UNC79: variants seen among roughly 807,000 people sequenced by gnomAD.
UNC79 encodes protein unc-79 homolog.
UNC79 carries 37 observed loss-of-function variants against 283.1 expected under a neutral mutation model. The observed-to-expected ratio is 0.13, with a 90% CI of 0.10 to 0.17. The LOEUF (loss-of-function observed/expected upper bound fraction) is 0.17. Ranked by LOEUF, UNC79 falls within the 10% of genes least tolerant of loss-of-function variation. The probability of loss-of-function intolerance (pLI) is 1.00; values close to 1 mark genes in which losing one functional copy is unlikely to be tolerated. For missense variants in UNC79, 2,272 were observed against 3,211.1 expected (o/e 0.71, Z 7.07); for synonymous variants, 1,107 against 1,200.2 (o/e 0.92, Z 1.61).
intron 1 of UNC79, among the ~76,000 whole-genome samples, chr14:93,439,983 A>G (rs1410419426): frequency 1.3e-5 from 2 of 152,238 alleles, no homozygotes; most frequent in East Asian, 1.9e-4. Context: ...GGCCCTCTGT[A>G]TCTGGTGGTT....
chr14:93,587,023 C>A, intron 22 of UNC79, 115 bp downstream of exon 22: 1 of 1,250,488 alleles, frequency 8.0e-7, no homozygotes, highest in Non-Finnish European at 1.1e-6. Flanking sequence ...GCCAGGACAG[C>A]TCGATTGCCT....
rs57703735 is a variant in UNC79, at chr14:93,660,520, CATATATATATATATATATATATAT to C, written c.6525+1280_6525+1303del. ...TATTGACAATGTTTCAAGACAATAG[CATATATATATATATATATATATAT>C]ATATATATATATATATATATGTGTG... is the stretch of plus-strand genomic sequence containing the variant. On this transcript the variant is annotated intron_variant, in intron 39 of 48. Coordinates refer to ENST00000555664, the Ensembl canonical transcript of UNC79. 1.1e-3 allele frequency among the ~76,000 whole-genome samples: 55 copies of C among 48,730 alleles called. 2 individuals carry two copies. Among genetic ancestry groups the C allele is most frequent in the East Asian group, 2.7e-3 (3 of 1,092 alleles). 32.0% of individuals were successfully genotyped at this position (48,730 alleles called of 152,430 possible). A position where few individuals can be genotyped will look rare whatever the true frequency, so the allele number is the denominator to read the frequency against.
At chr14:93,706,752 G>C in exon 49 of UNC79, 1 of 1,614,206 alleles carries the variant, frequency 6.2e-7, no homozygotes, top group Non-Finnish European at 8.5e-7. Context: ...TCAGAACCAC[G>C]TGAACCACCA....
chr14:93,529,207 A>C, intron 9 of UNC79, 79 bp from the exon 10 acceptor site: 1 of 1,455,190 alleles, frequency 6.9e-7, no homozygotes, highest in Non-Finnish European at 9.5e-7. Flanking sequence ...TTTCAGCACT[A>C]GTGTGCAGCT....
intron 31 of UNC79, among the ~76,000 whole-genome samples, chr14:93,635,349 T>C (rs2068419150): frequency 6.6e-6 from 1 of 152,232 alleles, no homozygotes; most frequent in Admixed American, 6.5e-5. Context: ...ATGGGTCATT[T>C]GAGTTACAAG....
chr14:93,679,359 T>C (rs1334131181), intron 41 of UNC79, among the ~76,000 whole-genome samples: 1 of 152,022 alleles, frequency 6.6e-6, no homozygotes, highest in East Asian at 1.9e-4. Flanking sequence ...CTCGGGAGGC[T>C]GAGGCAGGAG....
At chr14:93,597,184 A>T (rs2065138694) in intron 23 of UNC79, among the ~76,000 whole-genome samples, 175 bp from the exon 24 acceptor site, 1 of 152,232 alleles carries the variant, frequency 6.6e-6, no homozygotes, top group South Asian at 2.1e-4. Context: ...GAAATGGAAC[A>T]CTCGAGATGG....
At chr14:93,602,783 G>A (rs1255462671) in intron 25 of UNC79, among the ~76,000 whole-genome samples, 1 of 152,108 alleles carries the variant, frequency 6.6e-6, no homozygotes, top group East Asian at 1.9e-4. Flanking sequence ...TAGGACTATG[G>A]GGGTGAGCCA....
intron 42 of UNC79, among the ~76,000 whole-genome samples, chr14:93,685,452 CTT>C (rs2074163686): frequency 6.6e-6 from 1 of 152,154 alleles, no homozygotes; most frequent in Non-Finnish European, 1.5e-5. Flanking sequence ...AAGAAGAAAA[CTT>C]TGGAACGTAC....
intron 1 of UNC79, among the ~76,000 whole-genome samples, chr14:93,362,618 G>A (rs144508329): frequency 6.6e-6 from 1 of 152,168 alleles, no homozygotes; most frequent in Non-Finnish European, 1.5e-5. Flanking sequence ...AAAGTGCTGG[G>A]ATTACAGATG....
chr14:93,560,909 G>T (rs1028256661), intron 14 of UNC79, among the ~76,000 whole-genome samples: 1 of 152,102 alleles, frequency 6.6e-6, no homozygotes, highest in African/African-American at 2.4e-5. Flanking sequence ...GGAGAGGCTC[G>T]ATTTTCATGG....
At chr14:93,365,415 C>T (rs1042059742) in intron 1 of UNC79, among the ~76,000 whole-genome samples, 2 of 146,072 alleles carry the variant, frequency 1.4e-5, no homozygotes, top group Non-Finnish European at 3.0e-5. Context: ...TGTGATCAGA[C>T]TACCAAATTT....
At chr14:93,661,292 A>G (rs1219167403) in intron 39 of UNC79, among the ~76,000 whole-genome samples, 1 of 152,228 alleles carries the variant, frequency 6.6e-6, no homozygotes, top group Non-Finnish European at 1.5e-5. Context: ...AGTTAATATA[A>G]AACAAAATAT....
intron 1 of UNC79, among the ~76,000 whole-genome samples, chr14:93,440,193 T>TA (rs910572694): frequency 8.3e-5 from 10 of 120,152 alleles, no homozygotes; most frequent in African/African-American, 3.3e-4. Context: ...TATAATTTTA[T>TA]AAAAAGGACT....
At chr14:93,383,224 A>G (rs1217264166) in intron 1 of UNC79, among the ~76,000 whole-genome samples, 1 of 152,204 alleles carries the variant, frequency 6.6e-6, no homozygotes, top group Non-Finnish European at 1.5e-5. Context: ...AGCATTCACC[A>G]TGGCCTACTT....
chr14:93,583,904 C>A (rs1209900240), intron 20 of UNC79, among the ~76,000 whole-genome samples: 1 of 151,368 alleles, frequency 6.6e-6, no homozygotes, highest in Non-Finnish European at 1.5e-5. Context: ...CACCTGGGCT[C>A]AAGCAGTCCT....
intron 37 of UNC79, 118 bp from the exon 41 acceptor site, chr14:93,655,116 T>G: frequency 9.1e-7 from 1 of 1,100,362 alleles, no homozygotes; most frequent in Non-Finnish European, 1.3e-6. Context: ...GCCTATGTAG[T>G]AGGCACTGAA....
At chr14:93,668,802 C>T (rs1234889403) in intron 40 of UNC79, among the ~76,000 whole-genome samples, 2 of 150,534 alleles carry the variant, frequency 1.3e-5, no homozygotes, top group Non-Finnish European at 3.0e-5. Flanking sequence ...CGTGACTGTA[C>T]CACTGCACTA....
chr14:93,396,620 G>A (rs946342223), intron 1 of UNC79, among the ~76,000 whole-genome samples: 1 of 152,078 alleles, frequency 6.6e-6, no homozygotes, highest in Non-Finnish European at 1.5e-5. Flanking sequence ...TGTTTGTTTA[G>A]TGACTCTTCT....
Sources: allele counts gnomAD v4.1 joint callset (sites outside exome capture counted in the v4.1 genomes callset), GRCh38; gene constraint gnomAD v4.1.1; transcripts MANE v1.5; gene names NCBI Gene and HGNC (gene_info 2026-07-23, HGNC 2026-07-21).